The following SEPTIN7 variants were observed in gnomAD, a reference collection of about 807,000 sequenced individuals.
SEPTIN7 encodes the protein septin 7.
In SEPTIN7, 10 loss-of-function variants were observed where a neutral mutation model predicts 63.3. The ratio of observed to expected loss-of-function variants is 0.16; its 90% confidence interval spans 0.10 to 0.27. The LOEUF is 0.27. Ranked by LOEUF, SEPTIN7 falls within the 10% of genes least tolerant of loss-of-function variation. The pLI is 1.00. For synonymous variants in SEPTIN7, 131 were observed against 165.3 expected (o/e 0.79, Z 1.59); for missense variants, 310 against 521.0 (o/e 0.59, Z 3.94).
At chr7:35,880,259 A>T (rs1583613396) in intron 7 of SEPTIN7, among the ~76,000 whole-genome samples, 1 of 95,408 alleles carries the variant, frequency 1.0e-5, no homozygotes. Flanking sequence ...ATTTTCTTAG[A>T]ATGAATTCCC....
chr7:35,885,253 C>G (rs976666880), intron 9 of SEPTIN7, among the ~76,000 whole-genome samples: 2 of 152,154 alleles, frequency 1.3e-5, no homozygotes, highest in Non-Finnish European at 2.9e-5. Flanking sequence ...CCAGCTCTCT[C>G]TATCATGCCC....
chr7:35,840,392 G>A (rs990424433), intron 3 of SEPTIN7, among the ~76,000 whole-genome samples: 1 of 150,232 alleles, frequency 6.7e-6, no homozygotes, highest in Non-Finnish European at 1.5e-5. Flanking sequence ...CCAAGTACCT[G>A]GGACTACAGG....
chr7:35,822,053 G>A (rs191811495), intron 1 of SEPTIN7, among the ~76,000 whole-genome samples: 2 of 152,044 alleles, frequency 1.3e-5, no homozygotes, highest in Non-Finnish European at 2.9e-5. Flanking sequence ...GGGATTACAG[G>A]CGTGAGCCAC....
intron 10 of SEPTIN7, chr7:35,888,867 A>G: frequency 2.7e-6 from 1 of 367,230 alleles, no homozygotes; most frequent in South Asian, 2.1e-5. Flanking sequence ...AATTAAATAA[A>G]CATTGTTTTA....
At chr7:35,836,748 A>G (rs1784102097) in intron 3 of SEPTIN7, among the ~76,000 whole-genome samples, 1 of 152,128 alleles carries the variant, frequency 6.6e-6, no homozygotes, top group Non-Finnish European at 1.5e-5. Flanking sequence ...ATAAAATAAC[A>G]TCTATATCAG....
chr7:35,885,471 A>G (rs570685786), intron 9 of SEPTIN7, among the ~76,000 whole-genome samples: 1 of 152,172 alleles, frequency 6.6e-6, no homozygotes, highest in African/African-American at 2.4e-5. Context: ...GATTTTTTCT[A>G]AAGTGATTCT....
intron 12 of SEPTIN7, 174 bp downstream of exon 12, chr7:35,898,557 AATAC>A (rs1180476114): frequency 5.9e-6 from 3 of 508,714 alleles, no homozygotes; most frequent in Non-Finnish European, 1.1e-5. Context: ...ATAATAAAAT[AATAC>A]ATACTTCAAT....
At chr7:35,894,385 A>G (rs755031539) in intron 11 of SEPTIN7, among the ~76,000 whole-genome samples, 3 of 152,132 alleles carry the variant, frequency 2.0e-5, no homozygotes, top group Non-Finnish European at 2.9e-5. Flanking sequence ...AAACTTTATA[A>G]GTGAATGACT....
downstream of SEPTIN7, among the ~76,000 whole-genome samples, chr7:35,910,480 T>C (rs975003574): frequency 1.3e-5 from 2 of 152,222 alleles, no homozygotes; most frequent in Non-Finnish European, 2.9e-5. Context: ...CTAGTAATGG[T>C]AAAGCTTCTT....
At chr7:35,869,997 GTTT>G (rs1786047052) in intron 4 of SEPTIN7, among the ~76,000 whole-genome samples, 1 of 152,166 alleles carries the variant, frequency 6.6e-6, no homozygotes, top group South Asian at 2.1e-4. Context: ...TGTTAGAAAA[GTTT>G]GAAATTCTTG....
intron 11 of SEPTIN7, among the ~76,000 whole-genome samples, chr7:35,897,269 G>GA (rs1172800655): frequency 6.6e-6 from 1 of 152,136 alleles, no homozygotes; most frequent in Non-Finnish European, 1.5e-5. Context: ...GCCAAAGAAG[G>GA]ACCTATCTCT....
intron 4 of SEPTIN7, among the ~76,000 whole-genome samples, chr7:35,870,420 A>C (rs1786074863): frequency 6.6e-6 from 1 of 152,224 alleles, no homozygotes; most frequent in Admixed American, 6.5e-5. Flanking sequence ...TTGAAGTAAA[A>C]TTGGGAGATG....
At chr7:35,898,691 C>T (rs191267566) in intron 12 of SEPTIN7, 55 of 191,904 alleles carry the variant, frequency 2.9e-4, no homozygotes, top group African/African-American at 1.2e-3. Context: ...CCATTCCATA[C>T]AGGTGGCATA....
At position 35,828,545 on chromosome 7, in the gene SEPTIN7, A is replaced by G. The variant is rs372051561; in HGVS notation, c.62-2947A>G. ...AGGCACATGCCACCAAGTCCGGCCC[A>G]TTTTTGTATTTTTAGTAGAGATGGG... On this transcript the variant is annotated intron_variant, in intron 1 of 13. Transcript: ENST00000350320. 9.9e-5 allele frequency among the ~76,000 whole-genome samples: 15 copies of G among 152,150 alleles called. No homozygotes were observed. In the East Asian group the frequency reaches 2.9e-3, roughly 29 times the overall value.
At chr7:35,833,355 A>G (rs1269711916) in intron 3 of SEPTIN7, among the ~76,000 whole-genome samples, 3 of 151,998 alleles carry the variant, frequency 2.0e-5, no homozygotes, top group African/African-American at 7.2e-5. Context: ...TCATTAATTG[A>G]ATGTAAGCAC....
chr7:35,904,234 A>T lies in SEPTIN7; in HGVS notation c.1275-20A>T. The stretch of plus-strand genomic sequence containing the variant: ...TATAAAATGGTTACTCATCTTGCTT[A>T]TTTTCCTTTTATCCTTTAGAACCTT... On this transcript the variant is annotated intron_variant, in intron 13 of 13. Transcript: ENST00000350320. 6.6e-7 allele frequency: 1 copy of T among 1,526,204 alleles called. No individual in the cohort carries two copies. Among genetic ancestry groups the T allele is most frequent in the Non-Finnish European group, 8.8e-7 (1 of 1,133,586 alleles). 94.5% of individuals were successfully genotyped at this position (1,526,204 alleles called of 1,614,324 possible).
At chr7:35,839,303 A>G (rs1275226824) in intron 3 of SEPTIN7, among the ~76,000 whole-genome samples, 1 of 152,158 alleles carries the variant, frequency 6.6e-6, no homozygotes, top group African/African-American at 2.4e-5. Flanking sequence ...TATCTTCCAT[A>G]TTTTACTTTG....
At chr7:35,868,564 G>A (rs1447256811) in intron 4 of SEPTIN7, among the ~76,000 whole-genome samples, 1 of 152,134 alleles carries the variant, frequency 6.6e-6, no homozygotes, top group Non-Finnish European at 1.5e-5. Context: ...GATGGCAGTG[G>A]GTTGAGAAGT....
At chr7:35,838,263 TC>T (rs1784184875) in intron 3 of SEPTIN7, among the ~76,000 whole-genome samples, 1 of 10,514 alleles carries the variant, frequency 9.5e-5, no homozygotes, top group Non-Finnish European at 1.9e-4. Context: ...CTTCCTTCCT[TC>T]CTTCCTTCCT....
Sources: allele counts gnomAD v4.1 joint callset (sites outside exome capture counted in the v4.1 genomes callset), GRCh38; gene constraint gnomAD v4.1.1; transcripts MANE v1.5; gene names NCBI Gene and HGNC (gene_info 2026-07-23, HGNC 2026-07-21).